IL1RAPL2: variants seen among roughly 807,000 people sequenced by gnomAD.
IL1RAPL2 encodes interleukin 1 receptor accessory protein like 2, also known as X-linked interleukin-1 receptor accessory protein-like 2.
Under a neutral mutation model 44.1 loss-of-function variants are expected in IL1RAPL2, and 3 were observed. That is an observed-to-expected ratio of 0.07 (90% CI 0.03 to 0.18). IL1RAPL2 has a LOEUF of 0.18. IL1RAPL2 is among the 10% of genes least tolerant of loss of function. The probability of loss-of-function intolerance (pLI) is 1.00; values close to 1 mark genes in which losing one functional copy is unlikely to be tolerated. For synonymous variants in IL1RAPL2, 181 were observed against 178.8 expected (o/e 1.01, Z -0.10); for missense variants, 391 against 496.4 (o/e 0.79, Z 2.02).
chrX:105,344,422 T>A (rs1162855139), intron 5 of IL1RAPL2, among the ~76,000 whole-genome samples: 1 of 111,536 alleles, frequency 9.0e-6, no homozygotes, highest in Non-Finnish European at 1.9e-5. Context: ...GTACATAAGC[T>A]GTTGACCTCA....
At chrX:105,645,175 A>C (rs2037597073) in intron 6 of IL1RAPL2, among the ~76,000 whole-genome samples, 1 of 111,393 alleles carries the variant, frequency 9.0e-6, no homozygotes, top group South Asian at 3.8e-4. Context: ...ATTTATTCTC[A>C]TGACATGCTG....
At chrX:104,685,728 C>A (rs1188115399) in intron 2 of IL1RAPL2, among the ~76,000 whole-genome samples, 1 of 110,438 alleles carries the variant, frequency 9.1e-6, no homozygotes, top group African/African-American at 3.3e-5. Context: ...ATGTAACAAA[C>A]CTGCACGTTG....
intron 5 of IL1RAPL2, among the ~76,000 whole-genome samples, chrX:105,434,510 G>A (rs1271831371): frequency 8.9e-6 from 1 of 112,289 alleles, no homozygotes; most frequent in Admixed American, 9.4e-5. Context: ...ACACAATGAA[G>A]TGCCACTTGA....
At chrX:104,774,949 C>T (rs985683112) in intron 2 of IL1RAPL2, among the ~76,000 whole-genome samples, 5 of 111,600 alleles carry the variant, frequency 4.5e-5, no homozygotes, top group Non-Finnish European at 9.4e-5. Flanking sequence ...TTACCAGTCA[C>T]GCTACAAGTT....
At chrX:105,720,668 A>T (rs2038295629) in intron 7 of IL1RAPL2, among the ~76,000 whole-genome samples, 1 of 111,457 alleles carries the variant, frequency 9.0e-6, no homozygotes, top group Non-Finnish European at 1.9e-5. Context: ...AGGAACATTC[A>T]TATACATATC....
intron 6 of IL1RAPL2, among the ~76,000 whole-genome samples, chrX:105,596,256 TG>T (rs1357971775): frequency 9.0e-6 from 1 of 111,088 alleles, no homozygotes; most frequent in African/African-American, 3.3e-5. Flanking sequence ...TTGAAATATT[TG>T]TTTTTTTAAT....
intron 6 of IL1RAPL2, among the ~76,000 whole-genome samples, chrX:105,533,834 T>A (rs1247811368): frequency 8.9e-6 from 1 of 112,115 alleles, no homozygotes; most frequent in Non-Finnish European, 1.9e-5. Context: ...CTACAGTTTA[T>A]TTAACCATTC....
In IL1RAPL2 at chrX:104,582,494, TTCTCTC is replaced by T. The variant is rs199968264; in HGVS notation, c.-20+15457_-20+15462del. On this transcript the variant is annotated intron_variant, in intron 1 of 10. Coordinates refer to ENST00000372582, the MANE Select transcript of IL1RAPL2 (RefSeq NM_017416.2). ...ACAAGTAATCATACAGCTTTTTCTT[TTCTCTC>T]TCTCTCTCTCTCTTTCTTTCTTTTT... 2.4e-4 allele frequency among the ~76,000 whole-genome samples: 26 copies of T among 108,572 alleles called. No homozygotes were observed. In the South Asian group the frequency reaches 4.3e-3, roughly 18 times the overall value. 94.3% of individuals were successfully genotyped at this position (108,572 alleles called of 115,157 possible). A position where few individuals can be genotyped will look rare whatever the true frequency, so the allele number is the denominator to read the frequency against.
At chrX:104,855,572 A>G (rs559089766) in intron 2 of IL1RAPL2, among the ~76,000 whole-genome samples, 1 of 110,393 alleles carries the variant, frequency 9.1e-6, no homozygotes, top group South Asian at 3.9e-4. Flanking sequence ...TGAGTATACA[A>G]TTAACAGCAC....
At chrX:105,050,714 A>C (rs1260184345) in intron 2 of IL1RAPL2, among the ~76,000 whole-genome samples, 1 of 112,241 alleles carries the variant, frequency 8.9e-6, no homozygotes, top group East Asian at 2.8e-4. Context: ...AGGGTAAAGA[A>C]GTCAAAGAAG....
chrX:105,341,788 G>A (rs1163083719), intron 5 of IL1RAPL2, among the ~76,000 whole-genome samples: 2 of 110,329 alleles, frequency 1.8e-5, no homozygotes, highest in Non-Finnish European at 3.8e-5. Context: ...AAAATTAGCC[G>A]AGCATGGGGG....
At chrX:105,125,212 G>T (rs1184425039) in intron 2 of IL1RAPL2, among the ~76,000 whole-genome samples, 1 of 110,691 alleles carries the variant, frequency 9.0e-6, no homozygotes, top group Non-Finnish European at 1.9e-5. Context: ...AGTGAAAGGG[G>T]TTGTCTGTTT....
At chrX:104,923,829 A>G (rs1924705465) in intron 2 of IL1RAPL2, among the ~76,000 whole-genome samples, 1 of 105,392 alleles carries the variant, frequency 9.5e-6, no homozygotes. Context: ...TAAATGGCCT[A>G]AATGTACCAA....
At chrX:105,058,704 G>GA (rs1021130073) in intron 2 of IL1RAPL2, among the ~76,000 whole-genome samples, 3 of 110,157 alleles carry the variant, frequency 2.7e-5, no homozygotes, top group East Asian at 2.8e-4. Context: ...CTTTTCTCCA[G>GA]AAAAAAAAGG....
chrX:105,349,303 T>C (rs1169989975), intron 5 of IL1RAPL2, among the ~76,000 whole-genome samples: 1 of 112,153 alleles, frequency 8.9e-6, no homozygotes, highest in Non-Finnish European at 1.9e-5. Context: ...ATTTCCTTTT[T>C]GGATGTGTAA....
intron 2 of IL1RAPL2, among the ~76,000 whole-genome samples, chrX:104,754,592 G>A (rs1162675951): frequency 2.7e-5 from 3 of 111,551 alleles, no homozygotes; most frequent in Non-Finnish European, 5.7e-5. Flanking sequence ...GAGAATTCAT[G>A]AAGGGCAGTA....
intron 2 of IL1RAPL2, among the ~76,000 whole-genome samples, chrX:105,122,780 T>C (rs1197969786): frequency 8.9e-6 from 1 of 111,790 alleles, no homozygotes; most frequent in Non-Finnish European, 1.9e-5. Context: ...TCCCTGGCAT[T>C]ATTTTAGCTT....
At chrX:105,538,178 G>A (rs950836470) in intron 6 of IL1RAPL2, among the ~76,000 whole-genome samples, 13 of 107,411 alleles carry the variant, frequency 1.2e-4, no homozygotes, top group Non-Finnish European at 2.1e-4. Context: ...CTGGGACTAC[G>A]GGCACCCGCC....
intron 7 of IL1RAPL2, among the ~76,000 whole-genome samples, chrX:105,724,694 G>C (rs766719407): frequency 8.9e-6 from 1 of 112,180 alleles, no homozygotes; most frequent in South Asian, 3.6e-4. Flanking sequence ...AATTGTACAA[G>C]TTTGGTTATT....
Sources: gnomAD v4.1 joint callset for allele counts (sites outside exome capture counted in the v4.1 genomes callset) on GRCh38, gnomAD v4.1.1 for gene constraint, MANE v1.5 for transcripts, NCBI Gene and HGNC (gene_info 2026-07-23, HGNC 2026-07-21) for gene names.